SCAND3: variants seen among roughly 807,000 people sequenced by gnomAD.
SCAND3 encodes the protein SCAN domain-containing protein 3.
At chr6:28,575,259 C>A in the SCAND3 span, 2 of 1,614,000 alleles carry the variant, frequency 1.2e-6, no homozygotes, top group Non-Finnish European at 1.7e-6. The surrounding 1 kb of genome is among the most constrained non-coding windows in gnomAD (Gnocchi z 4.2). Context: ...AGGAGAAAAT[C>A]CTCTTTCGGA....
At chr6:28,604,744 A>G in the SCAND3 span, among the ~76,000 whole-genome samples, 1 of 152,266 alleles carries the variant, frequency 6.6e-6, no homozygotes, top group Non-Finnish European at 1.5e-5. Flanking sequence ...TATGTCAGAC[A>G]TAGCTATTAT....
At chr6:28,573,846 G>A in the SCAND3 span, 4 of 1,502,112 alleles carry the variant, frequency 2.7e-6, no homozygotes, top group Non-Finnish European at 3.5e-6. Context: ...AGGAATAAAA[G>A]TAAATAATAT....
At chr6:28,605,788 G>A in the SCAND3 span, among the ~76,000 whole-genome samples, 1 of 152,164 alleles carries the variant, frequency 6.6e-6, no homozygotes, top group Non-Finnish European at 1.5e-5. Flanking sequence ...GGAGGTTGCA[G>A]TGAGCCGAGA....
At chr6:28,572,561 T>C in the SCAND3 span, 2 of 1,614,076 alleles carry the variant, frequency 1.2e-6, no homozygotes, top group East Asian at 2.2e-5. The surrounding 1 kb of genome is among the most constrained non-coding windows in gnomAD (Gnocchi z 4.1). Context: ...TTAAAAATAC[T>C]GAAGATATCA....
the SCAND3 span, chr6:28,574,974 A>G: frequency 1.9e-6 from 3 of 1,613,638 alleles, no homozygotes; most frequent in Non-Finnish European, 2.5e-6. Flanking sequence ...TCTCTTCAAT[A>G]TCACTACTGT....
the SCAND3 span, chr6:28,585,453 G>C: frequency 6.6e-6 from 1 of 152,200 alleles, no homozygotes; most frequent in African/African-American, 2.4e-5. Flanking sequence ...GCTGTGCTCA[G>C]CTACATCAGA....
At chr6:28,574,812 A>G in the SCAND3 span, 3 of 1,614,110 alleles carry the variant, frequency 1.9e-6, no homozygotes, top group Non-Finnish European at 2.5e-6. Flanking sequence ...TCCCATGTTG[A>G]GAGGGCACTC....
chr6:28,606,135 G>A, the SCAND3 span, among the ~76,000 whole-genome samples: 1 of 152,160 alleles, frequency 6.6e-6, no homozygotes, highest in African/African-American at 2.4e-5. Flanking sequence ...TTAAGTAAAG[G>A]AAATGGACGT....
At chr6:28,607,901 A>C in the SCAND3 span, among the ~76,000 whole-genome samples, 1 of 152,098 alleles carries the variant, frequency 6.6e-6, no homozygotes. Flanking sequence ...AAAATAAATG[A>C]CATGTTTTTG....
the SCAND3 span, chr6:28,586,368 G>A: frequency 1.9e-6 from 3 of 1,614,134 alleles, no homozygotes; most frequent in Non-Finnish European, 2.5e-6. This position sits in a 1 kb window ranked among gnomAD's most constrained non-coding sequence, Gnocchi z 4.4. Context: ...TCCACTCTCA[G>A]GATTATGCTC....
the SCAND3 span, among the ~76,000 whole-genome samples, chr6:28,608,348 A>G: frequency 0.95 from 144,631 of 152,206 alleles, 68,849 homozygotes; most frequent in Non-Finnish European, 0.98. Flanking sequence ...TTTGCAACTG[A>G]CCCCCTGGCT....
the SCAND3 span, among the ~76,000 whole-genome samples, chr6:28,580,364 G>C: frequency 6.6e-6 from 1 of 151,910 alleles, no homozygotes; most frequent in East Asian, 1.9e-4. Flanking sequence ...TGAGGCAGGA[G>C]GATCATTTGA....
the SCAND3 span, among the ~76,000 whole-genome samples, chr6:28,598,225 T>G: frequency 6.6e-6 from 1 of 152,152 alleles, no homozygotes; most frequent in East Asian, 1.9e-4. Flanking sequence ...AATTTTTATC[T>G]ATCCAGGAAG....
At chr6:28,614,121 G>T in the SCAND3 span, among the ~76,000 whole-genome samples, 3 of 151,144 alleles carry the variant, frequency 2.0e-5, no homozygotes, top group African/African-American at 4.9e-5. Flanking sequence ...GTACCACCAC[G>T]CCCAGCTGAT....
chr6:28,611,422 G>A, the SCAND3 span, among the ~76,000 whole-genome samples: 1 of 152,172 alleles, frequency 6.6e-6, no homozygotes, highest in Admixed American at 6.5e-5. Flanking sequence ...ATTAACAAAG[G>A]TCACTCCTGG....
the SCAND3 span, among the ~76,000 whole-genome samples, chr6:28,612,495 C>CTATACACATTTATATACACATT: frequency 6.6e-6 from 1 of 152,170 alleles, no homozygotes; most frequent in Non-Finnish European, 1.5e-5. Flanking sequence ...TTTATATACA[C>CTATACACATTTATATACACATT]TATATACACA....
At chr6:28,609,238 G>A in the SCAND3 span, among the ~76,000 whole-genome samples, 201 of 152,194 alleles carry the variant, frequency 1.3e-3, 1 homozygote, top group African/African-American at 4.4e-3. Context: ...TATCTTGGTA[G>A]GATTATATAT....
At chr6:28,575,130 A>G in the SCAND3 span, 2 of 1,614,160 alleles carry the variant, frequency 1.2e-6, no homozygotes, top group Non-Finnish European at 1.7e-6. This position sits in a 1 kb window ranked among gnomAD's most constrained non-coding sequence, Gnocchi z 4.2. Context: ...GTTTAGCTTC[A>G]GAGCTAAATG....
At chr6:28,572,290 C>T in the SCAND3 span, 152 of 1,606,640 alleles carry the variant, frequency 9.5e-5, no homozygotes, top group Admixed American at 4.1e-4. The surrounding 1 kb of genome is among the most constrained non-coding windows in gnomAD (Gnocchi z 4.1). Context: ...ATTTCCTATG[C>T]GTGGATCTTC....
Sources: gnomAD v4.1 joint callset for allele counts (sites outside exome capture counted in the v4.1 genomes callset) on GRCh38, gnomAD v4.1.1 for gene constraint, Gnocchi (gnomAD v3.1) non-coding constraint, MANE v1.5 for transcripts, NCBI Gene and HGNC (gene_info 2026-07-23, HGNC 2026-07-21) for gene names.